NRXN3: variants seen among roughly 807,000 people sequenced by gnomAD.
NRXN3 encodes the protein neurexin 3.
In NRXN3, 32 loss-of-function variants were observed where a neutral mutation model predicts 137.6. That is an observed-to-expected ratio of 0.23 (90% CI 0.18 to 0.31). The LOEUF is 0.31. NRXN3 is among the 10% of genes least tolerant of loss of function. The pLI is 1.00. For synonymous variants in NRXN3, 798 were observed against 784.5 expected (o/e 1.02, Z -0.29); for missense variants, 1,574 against 2,062.5 (o/e 0.76, Z 4.59).
In NRXN3 at chr14:78,959,794, A is replaced by G. The variant is rs567280621; in HGVS notation, c.2395+2433A>G. On this transcript the variant is annotated intron_variant, in intron 11 of 20. Coordinates refer to ENST00000335750, the MANE Select transcript of NRXN3 (RefSeq NM_001330195.2). The stretch of plus-strand genomic sequence containing the variant: ...ACTGTTGGTGCATCTGGATCCTGCA[A>G]AGGATAAGTCACACATCTGTTGCTC... Among the ~76,000 whole-genome samples the G allele has an allele frequency of 3.3e-5, 5 of 152,260 alleles. No homozygotes were observed. In the East Asian group the frequency reaches 9.6e-4, roughly 29 times the overall value.
chr14:79,253,315 A>G (rs1239761417), intron 15 of NRXN3, among the ~76,000 whole-genome samples: 1 of 152,120 alleles, frequency 6.6e-6, no homozygotes, highest in Admixed American at 6.5e-5. Context: ...GTGCGGCCAT[A>G]GTTTAGGTAT....
At chr14:79,328,195 G>A (rs1460237139) in intron 15 of NRXN3, among the ~76,000 whole-genome samples, 1 of 152,172 alleles carries the variant, frequency 6.6e-6, no homozygotes, top group Admixed American at 6.5e-5. Flanking sequence ...ATATTATTTA[G>A]GAGGGACAGT....
intron 16 of NRXN3, among the ~76,000 whole-genome samples, chr14:79,503,382 C>CTTTCTCCA (rs1221526554): frequency 6.6e-6 from 1 of 152,180 alleles, no homozygotes; most frequent in Non-Finnish European, 1.5e-5. Context: ...TCTCCAGACT[C>CTTTCTCCA]TACTTTCTCC....
chr14:79,481,550 G>A (rs920636757), intron 16 of NRXN3, among the ~76,000 whole-genome samples: 2 of 152,196 alleles, frequency 1.3e-5, no homozygotes, highest in African/African-American at 2.4e-5. Context: ...AGTGGTATGT[G>A]TGTAGCTAAA....
Position 78,769,429 on chromosome 14 carries a change from A to G in NRXN3, c.2045-34191A>G, listed in dbSNP as rs138280657. Among the ~76,000 whole-genome samples, 4 of 152,280 alleles carry G rather than the reference A, an allele frequency of 2.6e-5. No individual in the cohort carries two copies. In the East Asian group the frequency reaches 5.8e-4, roughly 22 times the overall value. ...AGGTACTGGGGGCTAGGACTTACAC[A>G]TGTCTTTTTGAAAGACACAATTCAA... On this transcript the variant is annotated intron_variant, in intron 8 of 20. Coordinates refer to ENST00000335750, the MANE Select transcript of NRXN3 (RefSeq NM_001330195.2).
rs1437597982 is a variant in NRXN3, at chr14:79,467,492, A to G, written c.3444+90A>G. ...AGACGCAGCAGAACATTCTAGATCAATATGGCAAAGGTGCACATGCTTATA... is the reference window on the plus strand; with the variant it reads ...AGACGCAGCAGAACATTCTAGATCAGTATGGCAAAGGTGCACATGCTTATA... On this transcript the variant is annotated intron_variant, in intron 16 of 20. Coordinates refer to ENST00000335750, the MANE Select transcript of NRXN3 (RefSeq NM_001330195.2). The G allele has an allele frequency of 5.1e-6, 6 of 1,177,560 alleles. No individual in the cohort carries two copies. The Admixed American group carries it at 9.8e-5, about 19-fold the overall frequency. The allele number at this position is 1,177,560 out of a possible 1,614,324, so 72.9% of individuals were successfully genotyped here.
intron 19 of NRXN3, among the ~76,000 whole-genome samples, chr14:79,709,116 C>G (rs1362149035): frequency 1.3e-5 from 2 of 152,112 alleles, no homozygotes; most frequent in Non-Finnish European, 2.9e-5. Context: ...GATTTTAATG[C>G]ACGTCCGGGG....
chr14:78,180,000 G>A (rs977999507), intron 1 of NRXN3, among the ~76,000 whole-genome samples: 5 of 151,720 alleles, frequency 3.3e-5, no homozygotes, highest in African/African-American at 9.7e-5. Flanking sequence ...CATGTGCCAC[G>A]ACATCCAGCT....
At chr14:79,163,457 A>G (rs1335600275) in intron 15 of NRXN3, among the ~76,000 whole-genome samples, 1 of 152,022 alleles carries the variant, frequency 6.6e-6, no homozygotes, top group Non-Finnish European at 1.5e-5. Flanking sequence ...TAACAAAACC[A>G]TATTCTAATG....
chr14:78,903,784 G>T (rs767673152), intron 10 of NRXN3, among the ~76,000 whole-genome samples: 8 of 152,050 alleles, frequency 5.3e-5, no homozygotes, highest in Non-Finnish European at 1.0e-4. Flanking sequence ...AATGCTGGGA[G>T]CAATTTGTCC....
intron 4 of NRXN3, among the ~76,000 whole-genome samples, chr14:78,298,761 T>G (rs2076604015): frequency 6.6e-6 from 1 of 152,256 alleles, no homozygotes; most frequent in Non-Finnish European, 1.5e-5. Flanking sequence ...TAATTTTTCT[T>G]GACTATGTCG....
In NRXN3 at chr14:79,762,109, T is replaced by C. The variant is rs2099040726; in HGVS notation, c.4015-43003T>C. On this transcript the variant is annotated intron_variant, in intron 19 of 20. Coordinates refer to ENST00000335750, the MANE Select transcript of NRXN3 (RefSeq NM_001330195.2). ...TAGGGGGAAGCCTCAAAACTGCCTT[T>C]ATGGAGTTCTGTATCTCAGCATATT... 4.6e-5 allele frequency among the ~76,000 whole-genome samples: 7 copies of C among 151,760 alleles called. No homozygotes were observed. The South Asian group carries it at 1.5e-3, about 31-fold the overall frequency.
chr14:79,124,028 A>G (rs1431746930), intron 15 of NRXN3, among the ~76,000 whole-genome samples: 3 of 152,162 alleles, frequency 2.0e-5, no homozygotes, highest in Non-Finnish European at 4.4e-5. Flanking sequence ...ATGAGCAACA[A>G]ATCTTGGCGT....
At chr14:78,695,425 A>G (rs1277130506) in intron 6 of NRXN3, 1 of 152,082 alleles carries the variant, frequency 6.6e-6, no homozygotes, top group Non-Finnish European at 1.5e-5. Flanking sequence ...TTGTTTGCTT[A>G]CAGACATATT....
intron 15 of NRXN3, among the ~76,000 whole-genome samples, chr14:79,336,479 G>A (rs893961394): frequency 2.0e-5 from 3 of 152,160 alleles, no homozygotes; most frequent in Non-Finnish European, 2.9e-5. Flanking sequence ...TGATGGTGAC[G>A]ACAAGGAGAA....
At chr14:79,755,795 G>A (rs2099017475) in intron 19 of NRXN3, among the ~76,000 whole-genome samples, 1 of 152,024 alleles carries the variant, frequency 6.6e-6, no homozygotes, top group Non-Finnish European at 1.5e-5. Flanking sequence ...TTAAGGATGA[G>A]GAAGAACTTA....
intron 4 of NRXN3, among the ~76,000 whole-genome samples, chr14:78,426,033 G>T (rs2093652476): frequency 6.6e-6 from 1 of 152,208 alleles, no homozygotes; most frequent in Admixed American, 6.5e-5. Flanking sequence ...TGGGTAGCCA[G>T]GAGCAGGCAT....
chr14:78,626,557 T>C (rs1601565066), intron 4 of NRXN3, among the ~76,000 whole-genome samples: 2 of 152,248 alleles, frequency 1.3e-5, no homozygotes, highest in East Asian at 3.8e-4. Flanking sequence ...TGTTCTGACC[T>C]CTATGTGAAT....
At chr14:78,940,988 G>A (rs1261264108) in intron 10 of NRXN3, among the ~76,000 whole-genome samples, 23 of 152,128 alleles carry the variant, frequency 1.5e-4, no homozygotes, top group Admixed American at 1.5e-3. Flanking sequence ...GTTGTAATAA[G>A]CACATAACCA....
Sources: gnomAD v4.1 joint callset for allele counts (sites outside exome capture counted in the v4.1 genomes callset) on GRCh38, gnomAD v4.1.1 for gene constraint, MANE v1.5 for transcripts, NCBI Gene and HGNC (gene_info 2026-07-23, HGNC 2026-07-21) for gene names.